The following CDKL1 variants were observed in gnomAD, a reference collection of about 807,000 sequenced individuals.
The protein encoded by CDKL1 is cyclin dependent kinase like 1.
In CDKL1, 41 loss-of-function variants were observed where a neutral mutation model predicts 42.0. The ratio of observed to expected loss-of-function variants is 0.98; its 90% CI spans 0.76 to 1.27. The LOEUF is 1.27. CDKL1 is among the 50% of genes most tolerant of loss of function. The probability of loss-of-function intolerance (pLI) is 0.00; values close to 1 mark genes in which losing one functional copy is unlikely to be tolerated. For missense variants in CDKL1, 394 were observed against 428.4 expected (o/e 0.92, Z 0.71); for synonymous variants, 153 against 158.6 (o/e 0.96, Z 0.26).
chr14:50,395,901 T>G lies in CDKL1; in HGVS notation c.-33A>C. On this transcript the variant is annotated 5_prime_UTR_variant, in exon 2 of 10. Transcript: ENST00000395834. ...GAATAAATCTTCTTAAAATGGATCTTCAGCCGAGAATGGTGGCTCACGCCT... is the reference window on the plus strand; with the variant it reads ...GAATAAATCTTCTTAAAATGGATCTGCAGCCGAGAATGGTGGCTCACGCCT... The G allele has an allele frequency of 6.2e-7, 1 of 1,606,482 alleles. No homozygotes were observed. Among genetic ancestry groups the G allele is most frequent in the Non-Finnish European group, 8.5e-7 (1 of 1,173,496 alleles).
At position 50,326,278 on chromosome 14, in the gene CDKL1, A is replaced by C. The variant is rs1272373778; in HGVS notation, c.*3796T>G. The C allele has an allele frequency of 4.3e-6, 2 of 461,988 alleles. No homozygotes were observed. The highest frequency in any genetic ancestry group is 3.1e-4 in the East Asian group (2 of 6,478). 28.6% of individuals were successfully genotyped at this position (461,988 alleles called of 1,614,324 possible). The stretch of plus-strand genomic sequence containing the variant: ...AACTAGGTAACATTTTAATTCTAAT[A>C]TATTCATTTAATATGTAAATCTATA... On this transcript the variant is annotated 3_prime_UTR_variant, in exon 10 of 10. Transcript: ENST00000395834.
chr14:50,370,065 A>C (rs375633713), intron 2 of CDKL1, among the ~76,000 whole-genome samples: 21 of 150,932 alleles, frequency 1.4e-4, no homozygotes, highest in African/African-American at 3.6e-4. Flanking sequence ...CTACTCTTTT[A>C]GCAATTTTTT....
chr14:50,350,402 C>T (rs138806528), intron 3 of CDKL1, among the ~76,000 whole-genome samples: 1 of 152,182 alleles, frequency 6.6e-6, no homozygotes, highest in Non-Finnish European at 1.5e-5. Context: ...CCTTTAATAG[C>T]TCTTCTAGCT....
intron 2 of CDKL1, among the ~76,000 whole-genome samples, chr14:50,389,115 AAAAAAAAAGAG>A (rs1414550356): frequency 1.3e-5 from 2 of 150,530 alleles, no homozygotes; most frequent in African/African-American, 4.9e-5. Context: ...AAAAAAAAAA[AAAAAAAAAGAG>A]AGAGAAAAGA....
intron 7 of CDKL1, chr14:50,334,899 GA>G (rs1176283601): frequency 2.6e-5 from 6 of 234,692 alleles, no homozygotes; most frequent in African/African-American, 1.0e-4. Flanking sequence ...AAATACTAAT[GA>G]AAAAAAACTT....
At chr14:50,367,431 A>G (rs2034464554) in intron 2 of CDKL1, among the ~76,000 whole-genome samples, 1 of 152,180 alleles carries the variant, frequency 6.6e-6, no homozygotes, top group African/African-American at 2.4e-5. Flanking sequence ...CTGATCCTCA[A>G]ACCAGTCTGC....
At chr14:50,367,406 C>G (rs532116158) in intron 2 of CDKL1, among the ~76,000 whole-genome samples, 1 of 152,292 alleles carries the variant, frequency 6.6e-6, no homozygotes, top group East Asian at 1.9e-4. Flanking sequence ...AGGGGTAGAA[C>G]TCAAAGGGAC....
chr14:50,332,738 T>G, intron 8 of CDKL1: 1 of 1,430,482 alleles, frequency 7.0e-7, no homozygotes, highest in East Asian at 2.5e-5. Context: ...AGTGGCCAAA[T>G]GGGGTAATCC....
At position 50,341,463 on chromosome 14, in the gene CDKL1, G is replaced by C. The variant is rs528219591; in HGVS notation, c.455-231C>G. 1.2e-3 allele frequency among the ~76,000 whole-genome samples: 160 copies of C among 138,588 alleles called. 2 individuals are homozygous for C. The highest frequency in any genetic ancestry group is 7.8e-3 in the Middle Eastern group (2 of 258). 90.9% of individuals were successfully genotyped at this position (138,588 alleles called of 152,430 possible). A position where few individuals can be genotyped will look rare whatever the true frequency, so the allele number is the denominator to read the frequency against. ...GAATCCCTGGGGAGGGTCTGGGGGGGGGGGGGGGGTTATTTGGCTTAGAAT... is the reference window on the plus strand; with the variant it reads ...GAATCCCTGGGGAGGGTCTGGGGGGCGGGGGGGGGTTATTTGGCTTAGAAT... On this transcript the variant is annotated intron_variant, in intron 5 of 9. Transcript: ENST00000395834.
chr14:50,341,115 A>G lies in CDKL1; in HGVS notation c.572T>C (p.Val191Ala). Residue 191 changes from valine (V) to alanine (A), a missense_variant, in exon 6 of 10, where the codon GTC (valine) becomes GCC (alanine). Val to Ala is a moderately conservative substitution (Grantham distance 64, BLOSUM62 0). Coordinates refer to ENST00000395834, the MANE Select transcript of CDKL1 (RefSeq NM_004196.7). ...CACTCCTGACAGCAGCTCAGCAAAG[A>G]CACAGCCAATTGCCCAAACATCCAC... The part of the protein sequence containing the change: ...PPVDVWAIGC[V>A]FAELLSGVPL... The G allele has an allele frequency of 3.1e-6, 5 of 1,614,178 alleles. No individual in the cohort carries two copies. The highest frequency in any genetic ancestry group is 4.2e-6 in the Non-Finnish European group (5 of 1,180,030).
chr14:50,390,113 G>A, intron 2 of CDKL1: 1 of 1,349,724 alleles, frequency 7.4e-7, no homozygotes. Flanking sequence ...AAATTTACTA[G>A]GTCCCTTGCC....
At position 50,395,797 on chromosome 14, in the gene CDKL1, C is replaced by T. The variant is rs1200967097; in HGVS notation, c.72G>A (p.Arg24=). The T allele has an allele frequency of 2.5e-6, 4 of 1,613,078 alleles. No individual in the cohort carries two copies. The Admixed American group carries it at 5.0e-5, about 20-fold the overall frequency. ...TGATGGCCACAATCTGACCCGTGTC[C>T]CTGTTTCTACATTTGAAAACAACTC... ...SYGVVFKCRN[R]DTGQIVAIKK... The change falls in exon 2 of 10, where the codon AGG becomes AGA. Residue 24 remains arginine (R), a synonymous_variant. Coordinates refer to ENST00000395834, the MANE Select transcript of CDKL1 (RefSeq NM_004196.7).
intron 7 of CDKL1, 121 bp from the exon 8 acceptor site, chr14:50,334,742 C>T: frequency 1.5e-6 from 1 of 686,274 alleles, no homozygotes; most frequent in African/African-American, 1.8e-5. Context: ...ACCCTTTGCC[C>T]ACCCAACCTC....
chr14:50,390,365 C>T (rs2035220561), intron 2 of CDKL1: 2 of 1,365,392 alleles, frequency 1.5e-6, no homozygotes, highest in African/African-American at 1.5e-5. Context: ...TCTACTTTTT[C>T]TGCCACTGCT....
At chr14:50,363,485 T>C (rs183734982) in intron 2 of CDKL1, among the ~76,000 whole-genome samples, 5 of 152,352 alleles carry the variant, frequency 3.3e-5, no homozygotes, top group African/African-American at 1.2e-4. Context: ...ATACTAACTT[T>C]ATGATAGAAT....
chr14:50,370,315 T>C (rs755821469), intron 2 of CDKL1, among the ~76,000 whole-genome samples: 2 of 152,138 alleles, frequency 1.3e-5, no homozygotes, highest in Non-Finnish European at 2.9e-5. Flanking sequence ...GTGAGCCACC[T>C]GCCTCAGCTT....
Position 50,330,312 on chromosome 14 carries a change from T to G in CDKL1, c.967-131A>C, listed in dbSNP as rs1442411324. 4 of 1,118,892 alleles carry G rather than the reference T, an allele frequency of 3.6e-6. No homozygotes were observed. In the African/African-American group the frequency reaches 6.6e-5, roughly 18 times the overall value. 69.3% of individuals were successfully genotyped at this position (1,118,892 alleles called of 1,614,324 possible). ...ACTTTTTTTGCACACAATCCAGGAC[T>G]TGAGAGAGGATTAAATGTTTCAATT... On this transcript the variant is annotated intron_variant, in intron 9 of 9. Coordinates refer to ENST00000395834, the MANE Select transcript of CDKL1 (RefSeq NM_004196.7).
chr14:50,335,527 G>A (rs749110651), intron 7 of CDKL1: 46 of 1,535,946 alleles, frequency 3.0e-5, no homozygotes, highest in South Asian at 1.4e-4. Context: ...GCGATTTTGC[G>A]CCAGTCACGT....
intron 8 of CDKL1, chr14:50,332,667 G>C: frequency 1.3e-6 from 2 of 1,533,000 alleles, no homozygotes; most frequent in Non-Finnish European, 1.7e-6. Context: ...ACCTTATTCT[G>C]TTCTTGAAGC....
Sources: allele counts gnomAD v4.1 joint callset (sites outside exome capture counted in the v4.1 genomes callset), GRCh38; gene constraint gnomAD v4.1.1; transcripts MANE v1.5; gene names NCBI Gene and HGNC (gene_info 2026-07-23, HGNC 2026-07-21).